NOL4: variants seen among roughly 807,000 people sequenced by gnomAD.
The protein encoded by NOL4 is cancer/testis antigen 125.
NOL4 carries 17 observed loss-of-function variants against 75.9 expected under a neutral mutation model. The observed-to-expected ratio is 0.22, with a 90% CI of 0.15 to 0.34. The LOEUF is 0.34. Ranked by LOEUF, NOL4 falls within the 10% of genes least tolerant of loss-of-function variation. The pLI is 1.00. For synonymous variants in NOL4, 292 were observed against 289.9 expected, an observed-to-expected ratio of 1.01 and a Z score of -0.07; for missense variants, 614 against 793.5, an observed-to-expected ratio of 0.77 and a Z score of 2.72.
At chr18:33,928,397 T>C (rs77481940) in intron 9 of NOL4, among the ~76,000 whole-genome samples, 4,672 of 152,194 alleles carry the variant, frequency 0.031, 106 homozygotes, top group Non-Finnish European at 0.033. Context: ...GAATGCTTAA[T>C]GAAACCAGAA....
intron 4 of NOL4, among the ~76,000 whole-genome samples, chr18:34,100,275 T>C (rs2078986195): frequency 6.6e-6 from 1 of 152,130 alleles, no homozygotes; most frequent in African/African-American, 2.4e-5. Flanking sequence ...ATGAATCTCA[T>C]CAACATGTAA....
At chr18:34,177,862 A>G (rs921818744) in intron 1 of NOL4, among the ~76,000 whole-genome samples, 1 of 151,938 alleles carries the variant, frequency 6.6e-6, no homozygotes, top group African/African-American at 2.4e-5. Flanking sequence ...TGATGAAGGA[A>G]TTTTTCAGCT....
chr18:34,102,222 T>C (rs1293373920), intron 4 of NOL4, among the ~76,000 whole-genome samples: 1 of 152,108 alleles, frequency 6.6e-6, no homozygotes, highest in Non-Finnish European at 1.5e-5. Context: ...ATTTTCTTTA[T>C]TATATGTTTA....
chr18:34,149,569 G>C (rs2081557057), intron 1 of NOL4, among the ~76,000 whole-genome samples: 1 of 151,560 alleles, frequency 6.6e-6, no homozygotes, highest in Admixed American at 6.6e-5. Context: ...TGAAGATTTA[G>C]CAAGTAAGAT....
At chr18:33,938,082 A>G (rs2068186944) in intron 9 of NOL4, among the ~76,000 whole-genome samples, 1 of 152,078 alleles carries the variant, frequency 6.6e-6, no homozygotes, top group South Asian at 2.1e-4. Flanking sequence ...AATACATTAT[A>G]GGATTGTGAA....
chr18:33,988,230 G>T (rs2072618768), intron 6 of NOL4, among the ~76,000 whole-genome samples: 1 of 152,030 alleles, frequency 6.6e-6, no homozygotes, highest in African/African-American at 2.4e-5. Context: ...CTTAGCCAGA[G>T]AAGTAAAATG....
intron 10 of NOL4, among the ~76,000 whole-genome samples, chr18:33,857,403 T>C (rs1048948454): frequency 1.3e-5 from 2 of 152,030 alleles, no homozygotes; most frequent in African/African-American, 2.4e-5. Context: ...TTGGCCATCA[T>C]CAAAATAACT....
At chr18:33,883,516 T>C (rs761845088) in intron 9 of NOL4, 92 bp from the exon 10 acceptor site, 14 of 911,026 alleles carry the variant, frequency 1.5e-5, no homozygotes, top group Non-Finnish European at 2.0e-5. Flanking sequence ...AATACCTGCA[T>C]TGAATAAGAA....
intron 2 of NOL4, among the ~76,000 whole-genome samples, chr18:34,120,761 C>A (rs546265384): frequency 1.8e-4 from 27 of 152,074 alleles, no homozygotes; most frequent in African/African-American, 5.1e-4. Flanking sequence ...AGACCAGAGG[C>A]AAAAACAGCT....
At chr18:34,011,016 C>T (rs1177358540) in intron 6 of NOL4, among the ~76,000 whole-genome samples, 1 of 151,488 alleles carries the variant, frequency 6.6e-6, no homozygotes, top group African/African-American at 2.4e-5. Flanking sequence ...AGATCTAGTA[C>T]CTTATAGCAC....
chr18:34,023,322 A>T, intron 5 of NOL4: 11 of 423,064 alleles, frequency 2.6e-5, no homozygotes, highest in South Asian at 1.8e-4. Flanking sequence ...AACCATTTTT[A>T]TTCTCTTTCC....
chr18:33,910,392 C>A (rs771876464), intron 9 of NOL4, among the ~76,000 whole-genome samples: 1 of 152,008 alleles, frequency 6.6e-6, no homozygotes, highest in African/African-American at 2.4e-5. Flanking sequence ...ATTTATTTCC[C>A]GGTATCCTTT....
chr18:33,973,647 T>C (rs1396754132), intron 6 of NOL4, among the ~76,000 whole-genome samples: 2 of 152,228 alleles, frequency 1.3e-5, no homozygotes, highest in African/African-American at 4.8e-5. Flanking sequence ...AAATGGATGT[T>C]GGTTAGCAGG....
At chr18:33,911,558 G>A (rs1432898918) in intron 9 of NOL4, among the ~76,000 whole-genome samples, 1 of 151,814 alleles carries the variant, frequency 6.6e-6, no homozygotes, top group Non-Finnish European at 1.5e-5. Flanking sequence ...TTTTTTGCTT[G>A]CTGTTCTTTT....
At chr18:33,937,833 T>A (rs941060632) in intron 9 of NOL4, among the ~76,000 whole-genome samples, 8 of 152,160 alleles carry the variant, frequency 5.3e-5, no homozygotes, top group African/African-American at 1.9e-4. Flanking sequence ...TTACAGTGCA[T>A]AAACAGCTCT....
chr18:34,214,722 T>C (rs781051994), intron 1 of NOL4, among the ~76,000 whole-genome samples: 11 of 152,154 alleles, frequency 7.2e-5, no homozygotes, highest in Admixed American at 2.0e-4. Flanking sequence ...CTCGTGTTCA[T>C]TGCAGCACTA....
chr18:34,199,447 C>A (rs1427843496), intron 1 of NOL4, among the ~76,000 whole-genome samples: 1 of 151,692 alleles, frequency 6.6e-6, no homozygotes, highest in Admixed American at 6.6e-5. Flanking sequence ...ATCTGTCCCC[C>A]CACACACAAA....
Position 33,851,499 on chromosome 18 carries a change from T to C in NOL4, c.*1343A>G, listed in dbSNP as rs1292384107. ...CTCAAACTCATTGTCAAAAACTGAA[T>C]GACATAAATTTTACATGAAATAAGG... On this transcript the variant is annotated 3_prime_UTR_variant, in exon 11 of 11. Coordinates refer to ENST00000261592, the MANE Select transcript of NOL4 (RefSeq NM_003787.5). 1 of 152,356 alleles carries C rather than the reference T, an allele frequency of 6.6e-6. No homozygotes were observed. Among genetic ancestry groups the C allele is most frequent in the Non-Finnish European group, 1.5e-5 (1 of 67,982 alleles). 9.4% of individuals were successfully genotyped at this position (152,356 alleles called of 1,614,324 possible). A position where few individuals can be genotyped will look rare whatever the true frequency, so the allele number is the denominator to read the frequency against.
intron 1 of NOL4, among the ~76,000 whole-genome samples, chr18:34,184,216 T>G (rs765590376): frequency 6.6e-6 from 1 of 151,818 alleles, no homozygotes; most frequent in Non-Finnish European, 1.5e-5. Flanking sequence ...CAGTGCTAAT[T>G]CTGAGTATGT....
Sources: gnomAD v4.1 joint callset for allele counts (sites outside exome capture counted in the v4.1 genomes callset) on GRCh38, gnomAD v4.1.1 for gene constraint, MANE v1.5 for transcripts, NCBI Gene and HGNC (gene_info 2026-07-23, HGNC 2026-07-21) for gene names.